Variants in UVRAG observed in about 807,000 individuals in gnomAD.
UVRAG encodes UV radiation resistance-associated gene protein.
In UVRAG, 19 loss-of-function variants were observed where a neutral mutation model predicts 78.0. The ratio of observed to expected loss-of-function variants is 0.24; its 90% CI spans 0.17 to 0.36. UVRAG has a LOEUF of 0.36. Ranked by LOEUF, UVRAG falls within the 10% of genes least tolerant of loss-of-function variation. UVRAG has a pLI of 1.00. For synonymous variants in UVRAG, 323 were observed against 324.6 expected, an observed-to-expected ratio of 1.00 and a Z score of 0.05; for missense variants, 740 against 853.8, an observed-to-expected ratio of 0.87 and a Z score of 1.66.
At chr11:76,066,981 C>T (rs187771070) in intron 13 of UVRAG, among the ~76,000 whole-genome samples, 113 of 152,270 alleles carry the variant, frequency 7.4e-4, no homozygotes, top group African/African-American at 2.7e-3. Context: ...CCACATGAAC[C>T]TAACGACTTG....
chr11:76,003,886 C>G (rs898316986), intron 8 of UVRAG, 119 bp from the exon 9 acceptor site: 2 of 909,186 alleles, frequency 2.2e-6, no homozygotes, highest in Middle Eastern at 3.2e-4. Flanking sequence ...TGTACTCAAC[C>G]CACTTTCCCT....
chr11:75,889,988 C>G (rs1947180298), intron 5 of UVRAG, among the ~76,000 whole-genome samples: 1 of 151,962 alleles, frequency 6.6e-6, no homozygotes, highest in Non-Finnish European at 1.5e-5. Context: ...GGAGTAGGGG[C>G]TGAATAGAGA....
intron 12 of UVRAG, among the ~76,000 whole-genome samples, chr11:76,052,948 T>A (rs150997950): frequency 1.6e-3 from 243 of 149,632 alleles, no homozygotes; most frequent in African/African-American, 5.7e-3. Flanking sequence ...TTATAGAGTA[T>A]CTATATACTA....
At chr11:75,854,167 A>C (rs1341869600) in intron 2 of UVRAG, among the ~76,000 whole-genome samples, 1 of 152,208 alleles carries the variant, frequency 6.6e-6, no homozygotes, top group Non-Finnish European at 1.5e-5. Context: ...TTACCATAAT[A>C]CATGTCTTAT....
At chr11:76,025,746 A>G (rs1950315630) in intron 12 of UVRAG, among the ~76,000 whole-genome samples, 1 of 152,170 alleles carries the variant, frequency 6.6e-6, no homozygotes, top group South Asian at 2.1e-4. Context: ...TCAAAATCAG[A>G]TAATATTGGG....
At chr11:75,854,355 A>G (rs1243497453) in intron 2 of UVRAG, among the ~76,000 whole-genome samples, 1 of 152,208 alleles carries the variant, frequency 6.6e-6, no homozygotes, top group East Asian at 1.9e-4. Context: ...GAAATGGTCC[A>G]TATCAATTTC....
intron 14 of UVRAG, among the ~76,000 whole-genome samples, chr11:76,123,966 A>C (rs992150717): frequency 6.6e-6 from 1 of 151,676 alleles, no homozygotes; most frequent in African/African-American, 2.4e-5. Context: ...GGGTTTCACC[A>C]TGTTGGCCAG....
chr11:76,074,172 C>T (rs1391133796), intron 13 of UVRAG, among the ~76,000 whole-genome samples: 1 of 152,134 alleles, frequency 6.6e-6, no homozygotes, highest in East Asian at 1.9e-4. Context: ...ACATATGACC[C>T]ATATAAATGA....
At chr11:75,860,704 A>G (rs1417849444) in intron 2 of UVRAG, among the ~76,000 whole-genome samples, 1 of 152,174 alleles carries the variant, frequency 6.6e-6, no homozygotes, top group African/African-American at 2.4e-5. Context: ...TGGTATTGTA[A>G]ATTAGTATAA....
intron 12 of UVRAG, among the ~76,000 whole-genome samples, chr11:76,047,738 T>C (rs2134343892): frequency 6.6e-6 from 1 of 152,328 alleles, no homozygotes; most frequent in Admixed American, 6.5e-5. Flanking sequence ...AAGAGTAATA[T>C]AGGACACATC....
intron 1 of UVRAG, among the ~76,000 whole-genome samples, chr11:75,824,997 G>C (rs376552573): frequency 1.7e-4 from 26 of 152,006 alleles, no homozygotes; most frequent in African/African-American, 5.5e-4. Context: ...CAACGTACTG[G>C]AATGTGTACA....
intron 5 of UVRAG, among the ~76,000 whole-genome samples, chr11:75,900,881 T>C (rs1947478590): frequency 6.6e-6 from 1 of 152,240 alleles, no homozygotes; most frequent in Non-Finnish European, 1.5e-5. Flanking sequence ...TGCTTCTCAC[T>C]GTTTTAAAGG....
chr11:76,099,354 C>T lies in UVRAG; in HGVS notation c.1306-16570C>T, dbSNP rs570680824. 1.4e-4 allele frequency among the ~76,000 whole-genome samples: 21 copies of T among 152,070 alleles called. No homozygotes were observed. The South Asian group carries it at 3.9e-3, about 29-fold the overall frequency. ...TGCCTCCATTTTTTCATCTGTAATACGAGGAAAATAACAGTACCTGCTTTG... is the reference window on the plus strand; with the variant it reads ...TGCCTCCATTTTTTCATCTGTAATATGAGGAAAATAACAGTACCTGCTTTG... On this transcript the variant is annotated intron_variant, in intron 13 of 14. Coordinates refer to ENST00000356136, the MANE Select transcript of UVRAG (RefSeq NM_003369.4).
chr11:75,854,356 T>A (rs142287620), intron 2 of UVRAG, among the ~76,000 whole-genome samples: 114 of 152,340 alleles, frequency 7.5e-4, no homozygotes, highest in African/African-American at 2.6e-3. Flanking sequence ...AAATGGTCCA[T>A]ATCAATTTCA....
At chr11:75,859,127 C>T (rs912895698) in intron 2 of UVRAG, among the ~76,000 whole-genome samples, 1 of 152,182 alleles carries the variant, frequency 6.6e-6, no homozygotes, top group South Asian at 2.1e-4. Flanking sequence ...GTAATCCCAG[C>T]ACTTTGGGAG....
chr11:75,838,229 A>G (rs1945827331), intron 1 of UVRAG, among the ~76,000 whole-genome samples: 1 of 152,160 alleles, frequency 6.6e-6, no homozygotes, highest in South Asian at 2.1e-4. Context: ...ATTGATGTAC[A>G]TTTCAGTTAT....
At chr11:76,108,707 G>A (rs995718542) in intron 13 of UVRAG, among the ~76,000 whole-genome samples, 1 of 152,186 alleles carries the variant, frequency 6.6e-6, no homozygotes, top group Admixed American at 6.5e-5. Flanking sequence ...TGGTCTGAAT[G>A]TACTTGTTGC....
intron 7 of UVRAG, among the ~76,000 whole-genome samples, chr11:75,980,840 C>T (rs186501819): frequency 6.7e-4 from 102 of 151,908 alleles, no homozygotes; most frequent in African/African-American, 2.4e-3. Context: ...TGCCACCATG[C>T]CCAGCTAATT....
At chr11:76,130,016 C>G (rs565126746) in intron 14 of UVRAG, among the ~76,000 whole-genome samples, 38 of 152,234 alleles carry the variant, frequency 2.5e-4, no homozygotes, top group African/African-American at 8.9e-4. Context: ...ATGGTCCAGA[C>G]TTTGTTTTCC....
Sources: gnomAD v4.1 joint callset for allele counts (sites outside exome capture counted in the v4.1 genomes callset) on GRCh38, gnomAD v4.1.1 for gene constraint, MANE v1.5 for transcripts, NCBI Gene and HGNC (gene_info 2026-07-23, HGNC 2026-07-21) for gene names.